CEP128: variants seen among roughly 807,000 people sequenced by gnomAD.
CEP128 encodes centrosomal protein 128kDa.
In CEP128, 132 loss-of-function variants were observed where a neutral mutation model predicts 156.7. The observed-to-expected ratio is 0.84, with a 90% CI of 0.73 to 0.97. The LOEUF is 0.97. Ranked by LOEUF, CEP128 falls within the 50% of genes least tolerant of loss-of-function variation. CEP128 has a pLI of 0.00. For missense variants in CEP128, 1,252 were observed against 1,281.9 expected (o/e 0.98, Z 0.36); for synonymous variants, 469 against 448.9 (o/e 1.04, Z -0.57).
rs528817612 is a variant in CEP128 at position 80,679,316 on chromosome 14, G to A, written c.2806+63759C>T. Among the ~76,000 whole-genome samples the A allele has an allele frequency of 1.7e-3, 252 of 152,264 alleles. 1 individual carries two copies. Among genetic ancestry groups the A allele is most frequent in the Middle Eastern group, 6.8e-3 (2 of 294 alleles). On this transcript the variant is annotated intron_variant, in intron 19 of 24. Transcript: ENST00000555265. The stretch of plus-strand genomic sequence containing the variant: ...AGCCACATTTTTCTTCTTGCAGAGC[G>A]CCTATAAACAGACATGCAAGTAGGG...
At chr14:80,797,399 T>C (rs771523855) in intron 13 of CEP128, among the ~76,000 whole-genome samples, 3 of 152,192 alleles carry the variant, frequency 2.0e-5, no homozygotes, top group Admixed American at 6.5e-5. Flanking sequence ...TTGTAAATAA[T>C]TGTGGTTTTC....
At chr14:80,594,337 A>G (rs943901139) in intron 19 of CEP128, among the ~76,000 whole-genome samples, 1 of 152,244 alleles carries the variant, frequency 6.6e-6, no homozygotes, top group Admixed American at 6.5e-5. Context: ...TGAATTAAAG[A>G]CTTAAACATA....
intron 14 of CEP128, among the ~76,000 whole-genome samples, chr14:80,786,556 A>G (rs1901417963): frequency 6.6e-6 from 1 of 152,222 alleles, no homozygotes; most frequent in African/African-American, 2.4e-5. Flanking sequence ...GAGCACAAAG[A>G]TAACATGAGA....
chr14:80,560,254 T>G (rs1890612348), intron 20 of CEP128, among the ~76,000 whole-genome samples: 1 of 152,000 alleles, frequency 6.6e-6, no homozygotes, highest in African/African-American at 2.4e-5. Context: ...GGCAAAACAC[T>G]GTCTCTACTA....
At chr14:80,772,712 C>T (rs1900579947) in intron 16 of CEP128, among the ~76,000 whole-genome samples, 1 of 152,154 alleles carries the variant, frequency 6.6e-6, no homozygotes, top group African/African-American at 2.4e-5. Flanking sequence ...CCTGCACCTG[C>T]CAATCTGTGT....
intron 20 of CEP128, among the ~76,000 whole-genome samples, chr14:80,574,040 A>G (rs1305469382): frequency 6.6e-6 from 1 of 152,240 alleles, no homozygotes; most frequent in African/African-American, 2.4e-5. Context: ...TTTGGTTTCC[A>G]GAATAATAAA....
At chr14:80,764,628 G>A (rs1488026940) in intron 16 of CEP128, among the ~76,000 whole-genome samples, 1 of 152,120 alleles carries the variant, frequency 6.6e-6, no homozygotes, top group Non-Finnish European at 1.5e-5. Flanking sequence ...GGGCTCACAT[G>A]GATCTTAAAG....
chr14:80,914,480 C>T, intron 3 of CEP128, 72 bp from the exon 4 acceptor site: 1 of 1,092,518 alleles, frequency 9.2e-7, no homozygotes, highest in South Asian at 1.3e-5. Flanking sequence ...AGTAGTATGT[C>T]AATCAACTAA....
intron 9 of CEP128, among the ~76,000 whole-genome samples, chr14:80,853,250 T>C (rs35380298): frequency 0.12 from 18,256 of 151,754 alleles, 1,565 homozygotes; most frequent in East Asian, 0.45. Flanking sequence ...ACAAGAATTC[T>C]TGCTATCTTT....
rs573618902 is a variant in CEP128, at chr14:80,852,159, T to G, written c.762+10598A>C. 1.4e-3 allele frequency among the ~76,000 whole-genome samples: 216 copies of G among 152,112 alleles called. 4 individuals are homozygous for G. The highest frequency in any genetic ancestry group is 5.0e-3 in the African/African-American group (206 of 41,584). The stretch of plus-strand genomic sequence containing the variant: ...TCCAAAACACAGAAAAATATTTGTT[T>G]CTTACTCTGGAGTACTTACAAAAAA... On this transcript the variant is annotated intron_variant, in intron 9 of 24. Coordinates refer to ENST00000555265, the MANE Select transcript of CEP128 (RefSeq NM_152446.5).
chr14:80,661,850 C>T (rs1012634393), intron 19 of CEP128, among the ~76,000 whole-genome samples: 3 of 152,076 alleles, frequency 2.0e-5, no homozygotes, highest in Admixed American at 2.0e-4. Context: ...TCAGAATAAC[C>T]GACAAAATAT....
intron 19 of CEP128, among the ~76,000 whole-genome samples, chr14:80,620,074 G>A (rs141768083): frequency 2.7e-3 from 407 of 152,142 alleles, no homozygotes; most frequent in African/African-American, 9.3e-3. Context: ...GCAGTGAGCC[G>A]AGATCGCACC....
intron 19 of CEP128, among the ~76,000 whole-genome samples, chr14:80,594,212 G>A (rs1027857323): frequency 2.0e-5 from 3 of 152,134 alleles, no homozygotes; most frequent in Non-Finnish European, 4.4e-5. Context: ...ACAAAAACAG[G>A]CAATGGGGAA....
rs1896645109 is a variant in CEP128, at chr14:80,689,492, T to C, written c.2806+53583A>G. On this transcript the variant is annotated intron_variant, in intron 19 of 24. Coordinates refer to ENST00000555265, the MANE Select transcript of CEP128 (RefSeq NM_152446.5). ...AGAGCAAGAACAGTGGCAGGAATTCTAGGTTACCAGAACTACTAGCATTAA... is the reference window on the plus strand; with the variant it reads ...AGAGCAAGAACAGTGGCAGGAATTCCAGGTTACCAGAACTACTAGCATTAA... Among the ~76,000 whole-genome samples, 6 of 152,178 alleles carry C rather than the reference T, an allele frequency of 3.9e-5. No individual in the cohort carries two copies. The South Asian group carries it at 1.2e-3, about 32-fold the overall frequency.
chr14:80,505,961 T>G (rs529613108), intron 23 of CEP128, among the ~76,000 whole-genome samples: 1 of 152,230 alleles, frequency 6.6e-6, no homozygotes, highest in East Asian at 1.9e-4. Flanking sequence ...GAGAAAGGCA[T>G]TAAACAAATA....
At chr14:80,816,721 AC>A (rs1884881029) in intron 13 of CEP128, among the ~76,000 whole-genome samples, 1 of 152,304 alleles carries the variant, frequency 6.6e-6, no homozygotes, top group East Asian at 1.9e-4. Flanking sequence ...ACGGCTAAGG[AC>A]GCTGTCAAAA....
intron 24 of CEP128, among the ~76,000 whole-genome samples, chr14:80,502,441 G>A (rs759942738): frequency 6.6e-5 from 10 of 152,062 alleles, no homozygotes; most frequent in African/African-American, 9.7e-5. Flanking sequence ...CTCTCAAGAC[G>A]CACATGAATC....
At chr14:80,664,255 G>A (rs72690934) in intron 19 of CEP128, among the ~76,000 whole-genome samples, 23 of 152,010 alleles carry the variant, frequency 1.5e-4, no homozygotes, top group Admixed American at 2.0e-4. Context: ...AGGCCTCAAG[G>A]CCTTCTGGCA....
intron 13 of CEP128, among the ~76,000 whole-genome samples, chr14:80,810,005 T>C (rs999752898): frequency 6.6e-6 from 1 of 150,822 alleles, no homozygotes; most frequent in African/African-American, 2.4e-5. Flanking sequence ...ACAAGGACAA[T>C]AAGCAAAAAA....
Sources: gnomAD v4.1 joint callset for allele counts (sites outside exome capture counted in the v4.1 genomes callset) on GRCh38, gnomAD v4.1.1 for gene constraint, MANE v1.5 for transcripts, NCBI Gene and HGNC (gene_info 2026-07-23, HGNC 2026-07-21) for gene names.